VPS13B: variants seen among roughly 807,000 people sequenced by gnomAD.
VPS13B encodes the protein intermembrane lipid transfer protein VPS13B.
Under a neutral mutation model 426.4 loss-of-function variants are expected in VPS13B, and 285 were observed. The ratio of observed to expected loss-of-function variants is 0.67; its 90% CI spans 0.61 to 0.74. The LOEUF is 0.74. VPS13B is among the 30% of genes least tolerant of loss of function. The pLI is 0.00. For missense variants in VPS13B, 4,537 were observed against 4,782.6 expected, an observed-to-expected ratio of 0.95 and a Z score of 1.51; for synonymous variants, 1,676 against 1,676.4, an observed-to-expected ratio of 1.00 and a Z score of 0.01.
chr8:99,192,925 A>T lies in VPS13B; in HGVS notation c.2383A>T (p.Asn795Tyr), dbSNP rs781012935. ...AACTGAAGGTATATTTGAACTTCCA[A>T]ATCTCACAATTCAAGCTACAAGAGC... ...AITEGIFELP[N>Y]LTIQATRAQT... The change falls in exon 17 of 62, where the codon AAT becomes TAT. Residue 795 changes from asparagine (N) to tyrosine (Y), a missense_variant. Around this residue, in one of 2 missense-constraint regions of VPS13B, gnomAD observed 4,311 missense variants for 4,474.3 expected, o/e 0.96. Transcript: ENST00000357162. 3 of 1,613,588 alleles carry T rather than the reference A, an allele frequency of 1.9e-6. No individual in the cohort carries two copies. Among genetic ancestry groups the T allele is most frequent in the Admixed American group, 1.7e-5 (1 of 60,020 alleles).
intron 22 of VPS13B, among the ~76,000 whole-genome samples, chr8:99,436,015 A>G (rs758786247): frequency 3.3e-5 from 5 of 152,302 alleles, no homozygotes; most frequent in Non-Finnish European, 4.4e-5. Flanking sequence ...TGAAAGAGCA[A>G]TGGGCCAAGG....
At chr8:99,805,037 T>C (rs752220501) in intron 43 of VPS13B, among the ~76,000 whole-genome samples, 5 of 150,316 alleles carry the variant, frequency 3.3e-5, no homozygotes, top group Non-Finnish European at 7.4e-5. Context: ...AGTTTTGATA[T>C]ATAAATAATA....
Position 99,875,454 on chromosome 8 carries a change from TACA to T in VPS13B, c.11786_11788del (p.Asn3929del), listed in dbSNP as rs1554590369. The T allele has an allele frequency of 1.9e-6, 3 of 1,614,186 alleles. No homozygotes were observed. Among genetic ancestry groups the T allele is most frequent in the Non-Finnish European group, 2.5e-6 (3 of 1,180,014 alleles). ...CCGAGAGAGACTGTCAGAGCAACAGTACAACAGACTGGTGGACTACATCACAAA... is the reference window on the plus strand; with the variant it reads ...CCGAGAGAGACTGTCAGAGCAACAGTACAGACTGGTGGACTACATCACAAA... On this transcript the variant is annotated inframe_deletion, in exon 62 of 62. Coordinates refer to ENST00000357162, the MANE Select transcript of VPS13B (RefSeq NM_152564.5).
intron 3 of VPS13B, among the ~76,000 whole-genome samples, chr8:99,074,659 T>C (rs185562771): frequency 1.1e-3 from 166 of 152,158 alleles, no homozygotes; most frequent in African/African-American, 3.8e-3. Flanking sequence ...TTGTTTGTTT[T>C]TGAGACAATC....
At chr8:99,409,897 T>C (rs940188341) in intron 21 of VPS13B, among the ~76,000 whole-genome samples, 1 of 152,178 alleles carries the variant, frequency 6.6e-6, no homozygotes, top group Non-Finnish European at 1.5e-5. Flanking sequence ...TGTGTTAATA[T>C]AAGAATTTTC....
chr8:99,391,322 C>T lies in VPS13B; in HGVS notation c.2935-235C>T, dbSNP rs1462671393. ...TTAATTTAAAATTTAAGTGGATAAGCATTGCTCTGTGTGTGCATGTGTGTC... is the reference window on the plus strand; with the variant it reads ...TTAATTTAAAATTTAAGTGGATAAGTATTGCTCTGTGTGTGCATGTGTGTC... On this transcript the variant is annotated intron_variant, in intron 20 of 61. Transcript: ENST00000357162. 2.0e-5 allele frequency among the ~76,000 whole-genome samples: 3 copies of T among 150,936 alleles called. No individual in the cohort carries two copies. In the East Asian group the frequency reaches 5.9e-4, roughly 30 times the overall value.
intron 17 of VPS13B, among the ~76,000 whole-genome samples, chr8:99,245,548 T>C (rs1311804654): frequency 6.6e-6 from 1 of 152,202 alleles, no homozygotes; most frequent in African/African-American, 2.4e-5. Context: ...GCCTTGACCT[T>C]AAATATGAGA....
At chr8:99,570,548 G>A (rs1563802116) in intron 31 of VPS13B, among the ~76,000 whole-genome samples, 1 of 151,442 alleles carries the variant, frequency 6.6e-6, no homozygotes, top group Admixed American at 6.6e-5. Flanking sequence ...TTGCCCTTTT[G>A]AATAGTGCCT....
Position 99,706,532 on chromosome 8 carries a change from A to G in VPS13B, c.6454+6600A>G, listed in dbSNP as rs576613037. Among the ~76,000 whole-genome samples, 132 of 152,310 alleles carry G rather than the reference A, an allele frequency of 8.7e-4. 4 individuals are homozygous for G. The South Asian group carries it at 0.027, about 31-fold the overall frequency. ...TTCTAATGAGAAATCCAGTGTAGTCATTATAGTCTTCCATGTAAATCCACC... is the reference window on the plus strand; with the variant it reads ...TTCTAATGAGAAATCCAGTGTAGTCGTTATAGTCTTCCATGTAAATCCACC... On this transcript the variant is annotated intron_variant, in intron 36 of 61. Coordinates refer to ENST00000357162, the MANE Select transcript of VPS13B (RefSeq NM_152564.5).
intron 3 of VPS13B, among the ~76,000 whole-genome samples, chr8:99,087,004 G>T (rs1845849521): frequency 6.6e-6 from 1 of 152,194 alleles, no homozygotes; most frequent in Admixed American, 6.5e-5. Context: ...GGACATTTAA[G>T]TCTGCAGAGG....
chr8:99,390,101 T>A (rs531018117), intron 20 of VPS13B, among the ~76,000 whole-genome samples: 1 of 142,460 alleles, frequency 7.0e-6, no homozygotes, highest in South Asian at 2.2e-4. Context: ...TCATTTTAAA[T>A]TTTTTTTTTT....
Position 99,539,264 on chromosome 8 carries a change from G to A in VPS13B, c.4746-17186G>A, listed in dbSNP as rs560748655. 1.3e-4 allele frequency among the ~76,000 whole-genome samples: 20 copies of A among 152,176 alleles called. No homozygotes were observed. The South Asian group carries it at 2.1e-3, about 16-fold the overall frequency. On this transcript the variant is annotated intron_variant, in intron 30 of 61. Transcript: ENST00000357162. ...ACAATAATTTTCTGCACATTCTTTT[G>A]CATTATCTTGCAGCATATTAAAATA...
chr8:99,412,449 A>C (rs3105187), intron 21 of VPS13B, among the ~76,000 whole-genome samples: 26,484 of 152,168 alleles, frequency 0.17, 2,824 homozygotes, highest in East Asian at 0.38. Context: ...GAAGTTGCTT[A>C]TCAGCTTAAG....
chr8:99,605,102 A>G (rs1407749339), intron 33 of VPS13B, among the ~76,000 whole-genome samples: 1 of 152,180 alleles, frequency 6.6e-6, no homozygotes, highest in Non-Finnish European at 1.5e-5. Flanking sequence ...GATTTGCACT[A>G]TGTTATTTGG....
intron 39 of VPS13B, among the ~76,000 whole-genome samples, chr8:99,762,148 C>T (rs1339985372): frequency 1.3e-5 from 2 of 152,020 alleles, no homozygotes; most frequent in East Asian, 1.9e-4. Flanking sequence ...ACTTCAGCCT[C>T]CTAAGTAACT....
intron 31 of VPS13B, among the ~76,000 whole-genome samples, chr8:99,568,348 T>C (rs1376789712): frequency 6.6e-6 from 1 of 151,710 alleles, no homozygotes; most frequent in Non-Finnish European, 1.5e-5. Flanking sequence ...TGGAGTGCAG[T>C]GGTGCAATCT....
chr8:99,339,550 C>T (rs1008282262), intron 19 of VPS13B, among the ~76,000 whole-genome samples: 1 of 152,010 alleles, frequency 6.6e-6, no homozygotes, highest in African/African-American at 2.4e-5. Context: ...CCACCTCCAA[C>T]ACTGGAGATT....
intron 35 of VPS13B, among the ~76,000 whole-genome samples, chr8:99,661,841 G>C (rs1830238712): frequency 6.6e-6 from 1 of 152,072 alleles, no homozygotes. Context: ...ATATGAAGAG[G>C]ATAGACTAGA....
At chr8:99,842,409 C>A (rs1815742485) in intron 54 of VPS13B, among the ~76,000 whole-genome samples, 1 of 151,706 alleles carries the variant, frequency 6.6e-6, no homozygotes, top group Admixed American at 6.6e-5. Flanking sequence ...GAGTTTGAGA[C>A]CCATCTGGGC....
Sources: gnomAD v4.1 joint callset for allele counts (sites outside exome capture counted in the v4.1 genomes callset) on GRCh38, gnomAD v4.1.1 for gene constraint, gnomAD v4.1.1 regional missense constraint, MANE v1.5 for transcripts, NCBI Gene and HGNC (gene_info 2026-07-23, HGNC 2026-07-21) for gene names.